COL6A5: variants seen among roughly 807,000 people sequenced by gnomAD.
COL6A5 encodes the protein collagen alpha-5(VI) chain.
A neutral mutation model predicts 65.6 loss-of-function variants in COL6A5; 48 were observed. The observed-to-expected ratio is 0.73, with a 90% CI of 0.58 to 0.93. The LOEUF (loss-of-function observed/expected upper bound fraction) is 0.93. Ranked by LOEUF, COL6A5 falls within the 40% of genes least tolerant of loss-of-function variation. The pLI, the probability that COL6A5 is intolerant of heterozygous loss-of-function variation, is 0.00. For synonymous variants in COL6A5, 291 were observed against 322.8 expected (o/e 0.90, Z 1.05); for missense variants, 914 against 928.3 (o/e 0.98, Z 0.20).
At chr3:130,440,003 G>A (rs1434885150) in intron 2 of COL6A5, among the ~76,000 whole-genome samples, 163 bp from the exon 35 acceptor site, 4 of 152,062 alleles carry the variant, frequency 2.6e-5, no homozygotes, top group South Asian at 2.1e-4. Context: ...GAGAAGTACC[G>A]GGACATTGAA....
At chr3:130,458,131 C>G (rs1391392497) in intron 5 of COL6A5, among the ~76,000 whole-genome samples, 2 of 152,122 alleles carry the variant, frequency 1.3e-5, no homozygotes, top group Non-Finnish European at 2.9e-5. Context: ...ATACCTCTTT[C>G]TCTTCTTCTC....
chr3:130,360,426 A>G (rs1935068034), intron 1 of COL6A5, among the ~76,000 whole-genome samples: 2 of 152,154 alleles, frequency 1.3e-5, no homozygotes, highest in Admixed American at 1.3e-4. Flanking sequence ...TTTTGATCAT[A>G]TACTGATTTT....
At chr3:130,376,615 A>G (rs772891373) in exon 3 of COL6A5, 1 of 1,610,882 alleles carries the variant, frequency 6.2e-7, no homozygotes, top group South Asian at 1.1e-5. Context: ...TCTGAGGATG[A>G]AGTGGAAGAG....
Position 130,471,088 on chromosome 3 carries a change from G to T in COL6A5, c.2328+121G>T, listed in dbSNP as rs1389743871. On this transcript the variant is annotated intron_variant, in intron 7 of 7. Coordinates refer to ENST00000512836, the Ensembl canonical transcript of COL6A5. The stretch of plus-strand genomic sequence containing the variant: ...AGTGTGTGTTTTTGTGTGTGTGTGT[G>T]TGTGTGTGTGTGTTTTAAATGCTAC... 9 of 693,930 alleles carry T rather than the reference G, an allele frequency of 1.3e-5. No homozygotes were observed. In the African/African-American group the frequency reaches 1.6e-4, roughly 12 times the overall value. The allele number at this position is 693,930 out of a possible 1,614,324, so 43.0% of individuals were successfully genotyped here. A position where few individuals can be genotyped will look rare whatever the true frequency, so the allele number is the denominator to read the frequency against.
At chr3:130,394,856 T>A in intron 7 of COL6A5, 34 bp from the exon 8 acceptor site, 1 of 1,494,140 alleles carries the variant, frequency 6.7e-7, no homozygotes, top group Non-Finnish European at 9.0e-7. Context: ...GAATGATTCA[T>A]GAGGAAAATA....
At chr3:130,447,116 C>T (rs970599342) in intron 4 of COL6A5, among the ~76,000 whole-genome samples, 1 of 152,118 alleles carries the variant, frequency 6.6e-6, no homozygotes, top group African/African-American at 2.4e-5. Context: ...GCCTTACTAA[C>T]ATATCCAGCG....
Position 130,431,832 on chromosome 3 carries a change from C to CA in COL6A5, c.372dup (p.Asn125LysfsTer7). ...TGAGGAGAGTTGCTGTGTTTTTTAGCAATGGTCAAACAGCCAGTAGGTCAT... is the reference window on the plus strand; with the variant it reads ...TGAGGAGAGTTGCTGTGTTTTTTAGCAAATGGTCAAACAGCCAGTAGGTCAT... On this transcript the variant is annotated frameshift_variant, in exon 1 of 8. Coordinates refer to ENST00000512836, the Ensembl canonical transcript of COL6A5. LOFTEE classifies it high-confidence loss of function. The CA allele has an allele frequency of 6.4e-7, 1 of 1,551,560 alleles. No individual in the cohort carries two copies. The highest frequency in any genetic ancestry group is 8.7e-7 in the Non-Finnish European group (1 of 1,146,934).
intron 1 of COL6A5, among the ~76,000 whole-genome samples, chr3:130,348,842 GT>G (rs1257009742): frequency 6.6e-6 from 1 of 152,182 alleles, no homozygotes; most frequent in Admixed American, 6.5e-5. Flanking sequence ...GTATCTCATT[GT>G]GGTTTTGATT....
chr3:130,403,384 G>A (rs1043591946), intron 12 of COL6A5, among the ~76,000 whole-genome samples: 7 of 152,102 alleles, frequency 4.6e-5, no homozygotes, highest in Admixed American at 4.6e-4. Context: ...TCAGCCTCCC[G>A]CAAGCATTAG....
chr3:130,411,751 A>G (rs1248279045), intron 20 of COL6A5, among the ~76,000 whole-genome samples: 2 of 152,114 alleles, frequency 1.3e-5, no homozygotes, highest in African/African-American at 4.8e-5. Flanking sequence ...CTTTAAAAAA[A>G]GAGATGCCAG....
intron 23 of COL6A5, 91 bp downstream of exon 23, chr3:130,415,798 AT>A: frequency 9.3e-7 from 1 of 1,072,200 alleles, no homozygotes; most frequent in Non-Finnish European, 1.3e-6. Context: ...TTTTTGTATT[AT>A]TTACATATAT....
chr3:130,388,564 T>G lies in COL6A5; in HGVS notation c.1862-16T>G. On this transcript the variant is annotated splice_polypyrimidine_tract_variant and intron_variant and NMD_transcript_variant, in intron 5 of 41. Transcript: ENST00000312481. Reference sequence around the variant, plus strand: ...CCAACCTGGTTATTTCTGGTCTTTTTTTTTATAACATGCAGGATGTGAAGA... The same window carrying G: ...CCAACCTGGTTATTTCTGGTCTTTTGTTTTATAACATGCAGGATGTGAAGA... 1 of 1,495,388 alleles carries G rather than the reference T, an allele frequency of 6.7e-7. No homozygotes were observed. The highest frequency in any genetic ancestry group is 8.9e-7 in the Non-Finnish European group (1 of 1,124,270). The allele number at this position is 1,495,388 out of a possible 1,614,324, so 92.6% of individuals were successfully genotyped here.
chr3:130,437,401 A>G (rs1030089743), intron 1 of COL6A5, among the ~76,000 whole-genome samples: 4 of 152,048 alleles, frequency 2.6e-5, no homozygotes, highest in African/African-American at 9.7e-5. Flanking sequence ...CCAAACCACC[A>G]TTATCTTCTG....
intron 22 of COL6A5, among the ~76,000 whole-genome samples, chr3:130,414,509 G>T (rs1217838497): frequency 6.6e-6 from 1 of 152,122 alleles, no homozygotes; most frequent in Non-Finnish European, 1.5e-5. Flanking sequence ...GTTGGAAACT[G>T]CTACTCGACT....
At chr3:130,419,549 G>A (rs1237850933) in intron 25 of COL6A5, among the ~76,000 whole-genome samples, 1 of 152,154 alleles carries the variant, frequency 6.6e-6, no homozygotes, top group Non-Finnish European at 1.5e-5. Context: ...TAAAGAAAAT[G>A]TAGTATGTAT....
chr3:130,381,220 G>A (rs747955016), intron 4 of COL6A5, among the ~76,000 whole-genome samples: 3 of 152,070 alleles, frequency 2.0e-5, no homozygotes, highest in Non-Finnish European at 4.4e-5. Context: ...GGTTCAATTG[G>A]TGTAGAAGAA....
At chr3:130,458,183 C>T (rs949085083) in intron 5 of COL6A5, among the ~76,000 whole-genome samples, 2 of 152,048 alleles carry the variant, frequency 1.3e-5, no homozygotes, top group African/African-American at 4.8e-5. Flanking sequence ...TTCAATTCTA[C>T]CACCTTTCCT....
intron 5 of COL6A5, among the ~76,000 whole-genome samples, chr3:130,462,208 C>T (rs60005863): frequency 0.012 from 1,841 of 152,182 alleles, 38 homozygotes; most frequent in African/African-American, 0.041. Flanking sequence ...TGCCCCAACA[C>T]GTGCCTTTAG....
At chr3:130,364,615 T>C (rs936921203) in intron 1 of COL6A5, among the ~76,000 whole-genome samples, 2 of 152,166 alleles carry the variant, frequency 1.3e-5, no homozygotes, top group Non-Finnish European at 1.5e-5. Flanking sequence ...TTCTGAAGTA[T>C]AATTAGGATT....
Sources: gnomAD v4.1 joint callset for allele counts (sites outside exome capture counted in the v4.1 genomes callset) on GRCh38, gnomAD v4.1.1 for gene constraint, MANE v1.5 for transcripts, NCBI Gene and HGNC (gene_info 2026-07-23, HGNC 2026-07-21) for gene names.